The following CIB4 variants were observed in gnomAD, a reference collection of about 807,000 sequenced individuals.
CIB4 encodes the protein calcium and integrin-binding family member 4.
In CIB4, 25 loss-of-function variants were observed where a neutral mutation model predicts 25.8. The ratio of observed to expected loss-of-function variants is 0.97; its 90% CI spans 0.71 to 1.35. The LOEUF is 1.35. Ranked by LOEUF, CIB4 falls within the 40% of genes most tolerant of loss-of-function variation. The pLI is 0.00. For synonymous variants in CIB4, 75 were observed against 81.4 expected, an observed-to-expected ratio of 0.92 and a Z score of 0.42; for missense variants, 235 against 228.2, an observed-to-expected ratio of 1.03 and a Z score of -0.19.
At chr2:26,598,868 C>T (rs1049127843) in intron 3 of CIB4, among the ~76,000 whole-genome samples, 1 of 152,298 alleles carries the variant, frequency 6.6e-6, no homozygotes, top group South Asian at 2.1e-4. Flanking sequence ...CCCTGCTCTC[C>T]ATCCTGAGCT....
intron 3 of CIB4, among the ~76,000 whole-genome samples, chr2:26,619,863 G>A (rs1669169522): frequency 6.6e-6 from 1 of 150,794 alleles, no homozygotes; most frequent in South Asian, 2.1e-4. Context: ...CTCTGTGACT[G>A]AGGAAGCAGG....
rs1427458813 is a variant in CIB4 at position 26,583,907 on chromosome 2, A to G, written c.329-9T>C. On this transcript the variant is annotated splice_polypyrimidine_tract_variant and intron_variant, in intron 4 of 6. Transcript: ENST00000288861. ...GCCATTCTCATTAAAATCTGCAAAGAAGAGGCCAGGCCTGCATTAGACGGA... is the reference window on the plus strand; with the variant it reads ...GCCATTCTCATTAAAATCTGCAAAGGAGAGGCCAGGCCTGCATTAGACGGA... 3 of 1,570,934 alleles carry G rather than the reference A, an allele frequency of 1.9e-6. No homozygotes were observed. The highest frequency in any genetic ancestry group is 2.6e-6 in the Non-Finnish European group (3 of 1,140,786).
chr2:26,611,230 C>T (rs748652787), intron 3 of CIB4, among the ~76,000 whole-genome samples: 1 of 152,224 alleles, frequency 6.6e-6, no homozygotes, highest in Non-Finnish European at 1.5e-5. Flanking sequence ...ACCTAGCCTT[C>T]GGGCTGCAGG....
At chr2:26,596,084 C>T (rs1273773388) in intron 3 of CIB4, among the ~76,000 whole-genome samples, 1 of 152,210 alleles carries the variant, frequency 6.6e-6, no homozygotes, top group Non-Finnish European at 1.5e-5. Context: ...AAATTTCACA[C>T]TGTGAAAGCT....
chr2:26,627,934 C>T lies in CIB4; in HGVS notation c.186+1476G>A, dbSNP rs992428578. Among the ~76,000 whole-genome samples, 2 of 152,186 alleles carry T rather than the reference C, an allele frequency of 1.3e-5. No homozygotes were observed. The highest frequency in any genetic ancestry group is 4.8e-5 in the African/African-American group (2 of 41,444). On this transcript the variant is annotated intron_variant, in intron 3 of 6. Coordinates refer to ENST00000288861, the MANE Select transcript of CIB4 (RefSeq NM_001029881.3). The surrounding 1 kb of genome is among the most constrained non-coding windows in gnomAD (Gnocchi z 4.0). Reference sequence around the variant, plus strand: ...GACATGTCTGTGCCCCCTCCATGTCCCTTCCTCAGGAGCCAGCCTCCTCCT... The same window carrying T: ...GACATGTCTGTGCCCCCTCCATGTCTCTTCCTCAGGAGCCAGCCTCCTCCT...
chr2:26,623,765 C>G (rs1373236383), intron 3 of CIB4: 1 of 306,846 alleles, frequency 3.3e-6, no homozygotes, highest in Non-Finnish European at 6.8e-6. Flanking sequence ...CGCCAGTGTG[C>G]AGGCCTCCAC....
At chr2:26,615,141 T>G (rs1283459300) in intron 3 of CIB4, among the ~76,000 whole-genome samples, 1 of 152,032 alleles carries the variant, frequency 6.6e-6, no homozygotes, top group Non-Finnish European at 1.5e-5. Flanking sequence ...AGTGCCTAAT[T>G]TTCTCCTCCA....
intron 3 of CIB4, among the ~76,000 whole-genome samples, chr2:26,599,371 C>T (rs1668740292): frequency 6.6e-6 from 1 of 152,084 alleles, no homozygotes; most frequent in Admixed American, 6.5e-5. Flanking sequence ...ATTGCAGTCC[C>T]TGCCAAAAAA....
intron 2 of CIB4, among the ~76,000 whole-genome samples, chr2:26,638,099 T>C (rs1173750768): frequency 1.3e-5 from 2 of 152,058 alleles, no homozygotes; most frequent in East Asian, 3.9e-4. Context: ...TGCTCAGGAA[T>C]GGGTCTCTCA....
At chr2:26,600,508 T>C (rs559456357) in intron 3 of CIB4, among the ~76,000 whole-genome samples, 3 of 152,102 alleles carry the variant, frequency 2.0e-5, no homozygotes, top group Non-Finnish European at 4.4e-5. Flanking sequence ...AAGAAAGAGG[T>C]AGATGAAGGT....
At position 26,623,739 on chromosome 2, in the gene CIB4, G is replaced by C. The variant is rs187053481; in HGVS notation, c.186+5671C>G. 1,878 of 323,322 alleles carry C rather than the reference G, an allele frequency of 5.8e-3. 21 individuals carry two copies. Among genetic ancestry groups the C allele is most frequent in the South Asian group, 8.9e-3 (333 of 37,324 alleles). 20.0% of individuals were successfully genotyped at this position (323,322 alleles called of 1,614,324 possible). Reference sequence around the variant, plus strand: ...GGAGCAGGAGGAGGGAAGAGGCCAGGGGGGTGAGGTGGCCCCGCCAGTGTG... The same window carrying C: ...GGAGCAGGAGGAGGGAAGAGGCCAGCGGGGTGAGGTGGCCCCGCCAGTGTG... On this transcript the variant is annotated intron_variant, in intron 3 of 6. Transcript: ENST00000288861.
intron 3 of CIB4, among the ~76,000 whole-genome samples, chr2:26,614,327 G>A (rs967009782): frequency 1.2e-4 from 18 of 152,246 alleles, no homozygotes; most frequent in African/African-American, 4.3e-4. Flanking sequence ...GACTGTGGCC[G>A]AGGGACTGGA....
chr2:26,597,000 C>G (rs1329883331), intron 3 of CIB4, among the ~76,000 whole-genome samples: 1 of 152,134 alleles, frequency 6.6e-6, no homozygotes, highest in Admixed American at 6.6e-5. Context: ...AAAAAATGAA[C>G]TCAATTTCAT....
intron 4 of CIB4, among the ~76,000 whole-genome samples, chr2:26,585,560 C>G (rs1668435804): frequency 6.6e-6 from 1 of 152,106 alleles, no homozygotes; most frequent in African/African-American, 2.4e-5. Flanking sequence ...ATCACCACCA[C>G]AGCAAGCACA....
At chr2:26,613,518 G>A (rs1250590698) in intron 3 of CIB4, among the ~76,000 whole-genome samples, 1 of 152,144 alleles carries the variant, frequency 6.6e-6, no homozygotes, top group African/African-American at 2.4e-5. Flanking sequence ...AATGCTGCCT[G>A]CAATCCCCCT....
At chr2:26,634,043 G>A (rs960943014) in intron 2 of CIB4, among the ~76,000 whole-genome samples, 3 of 152,100 alleles carry the variant, frequency 2.0e-5, no homozygotes, top group East Asian at 3.9e-4. Flanking sequence ...AGTTCTCAAC[G>A]GGGTCCCACG....
intron 3 of CIB4, among the ~76,000 whole-genome samples, chr2:26,621,812 G>A (rs1558569871): frequency 6.6e-6 from 1 of 152,210 alleles, no homozygotes; most frequent in Non-Finnish European, 1.5e-5. Flanking sequence ...GTCCTGGTTA[G>A]AGAATGTTAG....
chr2:26,595,403 G>A lies in CIB4; in HGVS notation c.187-86C>T, dbSNP rs897480625. ...GTCTCTCTCATCTATTACAAACACT[G>A]TGTCCTGGGTTTGAGATGAAGACAA... On this transcript the variant is annotated intron_variant, in intron 3 of 6. Coordinates refer to ENST00000288861, the MANE Select transcript of CIB4 (RefSeq NM_001029881.3). 4.9e-6 allele frequency: 7 copies of A among 1,432,554 alleles called. No homozygotes were observed. The African/African-American group carries it at 5.6e-5, about 11-fold the overall frequency. The allele number at this position is 1,432,554 out of a possible 1,614,324, so 88.7% of individuals were successfully genotyped here. A position where few individuals can be genotyped will look rare whatever the true frequency, so the allele number is the denominator to read the frequency against.
In CIB4 at chr2:26,587,304, C is replaced by CAAAAAAAAA. The variant is rs71399396; in HGVS notation, c.329-3415_329-3407dup. The stretch of plus-strand genomic sequence containing the variant: ...TGGGCGACAGAGCAAGACTCCGTCT[C>CAAAAAAAAA]AAAAAAAAAAAAAAAAAAAAAAAAG... On this transcript the variant is annotated intron_variant, in intron 4 of 6. Coordinates refer to ENST00000288861, the MANE Select transcript of CIB4 (RefSeq NM_001029881.3). 1.3e-3 allele frequency among the ~76,000 whole-genome samples: 79 copies of CAAAAAAAAA among 61,458 alleles called. 13 individuals carry two copies. In the East Asian group the frequency reaches 0.02, roughly 16 times the overall value. 40.3% of individuals were successfully genotyped at this position (61,458 alleles called of 152,430 possible).
Sources: gnomAD v4.1 joint callset for allele counts (sites outside exome capture counted in the v4.1 genomes callset) on GRCh38, gnomAD v4.1.1 for gene constraint, Gnocchi (gnomAD v3.1) non-coding constraint, MANE v1.5 for transcripts, NCBI Gene and HGNC (gene_info 2026-07-23, HGNC 2026-07-21) for gene names.